ZNF473: variants seen among roughly 807,000 people sequenced by gnomAD.
The protein encoded by ZNF473 is zinc finger protein 473.
ZNF473 carries 4 observed loss-of-function variants against 11.1 expected under a neutral mutation model. The observed-to-expected ratio is 0.36, with a 90% CI of 0.18 to 0.82. The LOEUF is 0.82. Among genes scored for constraint, ZNF473 ranks in the 40% least tolerant of loss-of-function variants. The probability of loss-of-function intolerance (pLI) is 0.49; values close to 1 mark genes in which losing one functional copy is unlikely to be tolerated. For synonymous variants in ZNF473, 404 were observed against 390.4 expected (o/e 1.03, Z -0.41); for missense variants, 854 against 1,084.0 (o/e 0.79, Z 2.98).
intron 1 of ZNF473, among the ~76,000 whole-genome samples, chr19:50,027,267 A>G (rs1446407823): frequency 6.6e-6 from 1 of 152,186 alleles, no homozygotes; most frequent in Non-Finnish European, 1.5e-5. Flanking sequence ...TTAAGACCCT[A>G]CATGGCCTGT....
chr19:50,030,979 G>T lies in ZNF473; in HGVS notation c.-104G>T. 2 of 1,510,366 alleles carry T rather than the reference G, an allele frequency of 1.3e-6. No individual in the cohort carries two copies. The highest frequency in any genetic ancestry group is 1.2e-5 in the South Asian group (1 of 83,152). 93.6% of individuals were successfully genotyped at this position (1,510,366 alleles called of 1,614,324 possible). ...CAGCGAGTCAGCCATGGGTGGAAGG[G>T]AGGCTTTCTCACAGCTCCCTTGTGC... On this transcript the variant is annotated 5_prime_UTR_variant, in exon 2 of 5. It introduces an in-frame stop codon into an upstream open reading frame of the 5' UTR. Coordinates refer to ENST00000270617, the MANE Select transcript of ZNF473 (RefSeq NM_015428.4).
chr19:50,034,747 C>A (rs550637090), intron 2 of ZNF473, among the ~76,000 whole-genome samples: 1 of 152,156 alleles, frequency 6.6e-6, no homozygotes, highest in Admixed American at 6.5e-5. Context: ...TGGCATGGTT[C>A]GACCTGTAGA....
rs1275505353 is a variant in ZNF473 at position 50,045,870 on chromosome 19, G to A, written c.1427G>A (p.Arg476Gln). The part of the protein sequence containing the change: ...RSFSRPSHLM[R>Q]HQAIHTAEKP... ...TTCAGCCGGCCCTCACATCTGATGC[G>A]ACATCAGGCCATTCACACCGCAGAA... is the stretch of plus-strand genomic sequence containing the variant. Residue 476 changes from arginine (R) to glutamine (Q), a missense_variant, in exon 5 of 5, where the codon CGA becomes CAA. Physicochemically the swap from Arg to Gln is conservative, Grantham distance 43. Transcript: ENST00000270617. 4 of 1,614,026 alleles carry A rather than the reference G, an allele frequency of 2.5e-6. No homozygotes were observed. Among genetic ancestry groups the A allele is most frequent in the Admixed American group, 1.7e-5 (1 of 59,994 alleles).
At chr19:50,028,157 G>A (rs1161134303) in intron 1 of ZNF473, among the ~76,000 whole-genome samples, 1 of 152,010 alleles carries the variant, frequency 6.6e-6, no homozygotes, top group Non-Finnish European at 1.5e-5. Flanking sequence ...AATTCTCCGG[G>A]CGTGGTGGCA....
Position 50,045,592 on chromosome 19 carries a change from T to A in ZNF473, c.1149T>A (p.Ile383=). 1 of 1,613,842 alleles carries A rather than the reference T, an allele frequency of 6.2e-7. No homozygotes were observed. Among genetic ancestry groups the A allele is most frequent in the Non-Finnish European group, 8.5e-7 (1 of 1,179,942 alleles). The part of the protein sequence containing the change: ...TTSECQECGK[I]FRHSSLLIEH... ...CTGAGTGTCAGGAGTGTGGGAAGAT[T>A]TTTAGGCACAGTTCGCTGCTCATTG... Residue 383 remains isoleucine, a synonymous_variant, in exon 5 of 5, where the codon ATT becomes ATA. Transcript: ENST00000270617.
Position 50,039,308 on chromosome 19 carries a change from G to A in ZNF473, c.136+21G>A. ...GCTGGGTGAGTGTTGCCTGTCCCCA[G>A]GGGCCTACTCACTGCCCTGCTTGGT... On this transcript the variant is annotated intron_variant, in intron 3 of 4. Coordinates refer to ENST00000270617, the MANE Select transcript of ZNF473 (RefSeq NM_015428.4). This position sits in a 1 kb window ranked among gnomAD's most constrained non-coding sequence, Gnocchi z 4.8. 6.2e-7 allele frequency: 1 copy of A among 1,613,406 alleles called. No homozygotes were observed. Among genetic ancestry groups the A allele is most frequent in the East Asian group, 2.2e-5 (1 of 44,846 alleles).
Sources: gnomAD v4.1 joint callset for allele counts (sites outside exome capture counted in the v4.1 genomes callset) on GRCh38, gnomAD v4.1.1 for gene constraint, Gnocchi (gnomAD v3.1) non-coding constraint, MANE v1.5 for transcripts, NCBI Gene and HGNC (gene_info 2026-07-23, HGNC 2026-07-21) for gene names.